LRFN5: variants seen among roughly 807,000 people sequenced by gnomAD.
The protein encoded by LRFN5 is leucine-rich repeat and fibronectin type-III domain-containing protein 5.
Under a neutral mutation model 45.6 loss-of-function variants are expected in LRFN5, and 24 were observed. The observed-to-expected ratio is 0.53, with a 90% CI of 0.38 to 0.74. The LOEUF (loss-of-function observed/expected upper bound fraction) is 0.74, where lower values mean the gene tolerates loss of function less well. LRFN5 is among the 30% of genes least tolerant of loss of function. The probability of loss-of-function intolerance (pLI) is 0.00; values close to 1 mark genes in which losing one functional copy is unlikely to be tolerated. For synonymous variants in LRFN5, 340 were observed against 313.8 expected (o/e 1.08, Z -0.88); for missense variants, 776 against 861.5 (o/e 0.90, Z 1.24).
chr14:41,731,480 C>G (rs987011548), intron 1 of LRFN5: 8 of 152,086 alleles, frequency 5.3e-5, no homozygotes, highest in Non-Finnish European at 8.8e-5. Flanking sequence ...GGTAAAATGA[C>G]TTTCTAATAA....
chr14:41,739,659 A>AG (rs58080522), intron 1 of LRFN5, among the ~76,000 whole-genome samples: 25,060 of 150,848 alleles, frequency 0.17, 2,167 homozygotes, highest in Admixed American at 0.2. Flanking sequence ...AGCAACTAGA[A>AG]AAAAAAAAAC....
At chr14:41,645,014 T>G in intron 1 of LRFN5, among the ~76,000 whole-genome samples, 1 of 152,206 alleles carries the variant, frequency 6.6e-6, no homozygotes, top group East Asian at 1.9e-4. Flanking sequence ...GGTTGAGAGC[T>G]TTTGGTATGG....
intron 1 of LRFN5, among the ~76,000 whole-genome samples, chr14:41,671,622 T>TTTTTTTTTTTTTTTTTTTTTTTTTTTTC (rs1881232968): frequency 7.3e-6 from 1 of 137,068 alleles, no homozygotes; most frequent in African/African-American, 2.8e-5. Flanking sequence ...TTTTCGTTTT[T>TTTTTTTTTTTTTTTTTTTTTTTTTTTTC]TTTTTTTTTT....
chr14:41,661,353 A>C (rs1034736512), intron 1 of LRFN5, among the ~76,000 whole-genome samples: 3 of 152,030 alleles, frequency 2.0e-5, no homozygotes, highest in African/African-American at 7.2e-5. Context: ...GCTTTTCAAA[A>C]TGAGTATTCC....
At chr14:41,756,967 C>A (rs1885418066) in intron 1 of LRFN5, among the ~76,000 whole-genome samples, 1 of 152,156 alleles carries the variant, frequency 6.6e-6, no homozygotes, top group Non-Finnish European at 1.5e-5. Flanking sequence ...ATTAGCTTTC[C>A]TTCTAACTGT....
At chr14:41,893,543 T>A (rs1394983067) in intron 4 of LRFN5, 28 of 985,080 alleles carry the variant, frequency 2.8e-5, no homozygotes, top group Non-Finnish European at 3.4e-5. Context: ...CAGTAAAAGT[T>A]TATTAACTTT....
intron 2 of LRFN5, among the ~76,000 whole-genome samples, chr14:41,867,076 T>TA (rs1472392804): frequency 6.6e-6 from 1 of 152,138 alleles, no homozygotes; most frequent in Admixed American, 6.6e-5. Flanking sequence ...AACCTTTAAT[T>TA]ATATACATTA....
chr14:41,865,189 T>C (rs1889796223), intron 2 of LRFN5, among the ~76,000 whole-genome samples: 1 of 152,054 alleles, frequency 6.6e-6, no homozygotes, highest in Admixed American at 6.6e-5. Context: ...AAGAACACTT[T>C]TGTCATCCCA....
intron 1 of LRFN5, among the ~76,000 whole-genome samples, chr14:41,629,354 A>G (rs1235183640): frequency 6.6e-6 from 1 of 152,166 alleles, no homozygotes. Context: ...TGTGGGTTAC[A>G]TGTCCATGTA....
At chr14:41,812,435 A>G (rs958915618) in intron 2 of LRFN5, among the ~76,000 whole-genome samples, 1 of 151,906 alleles carries the variant, frequency 6.6e-6, no homozygotes, top group African/African-American at 2.4e-5. Flanking sequence ...GTTTTAAGAC[A>G]TTCATTTTTA....
chr14:41,731,640 A>C (rs1200584400), intron 1 of LRFN5: 2 of 152,152 alleles, frequency 1.3e-5, no homozygotes, highest in African/African-American at 4.8e-5. Context: ...TATAGCCTGC[A>C]CTATGGAAAT....
At chr14:41,898,820 T>C in intron 4 of LRFN5, 97 bp from the exon 5 acceptor site, 1 of 1,101,028 alleles carries the variant, frequency 9.1e-7, no homozygotes, top group Non-Finnish European at 1.3e-6. Context: ...TGTTAATTCT[T>C]GATATGAAGT....
intron 1 of LRFN5, among the ~76,000 whole-genome samples, chr14:41,627,465 A>G (rs1458092573): frequency 6.6e-6 from 1 of 152,102 alleles, no homozygotes; most frequent in Non-Finnish European, 1.5e-5. Flanking sequence ...TCCTCTAGGT[A>G]TATTTTCCTT....
rs182802197 is a variant in LRFN5, at chr14:41,684,772, C to T, written c.-197+76210C>T. Among the ~76,000 whole-genome samples the T allele has an allele frequency of 3.3e-5, 5 of 152,226 alleles. No homozygotes were observed. The East Asian group carries it at 5.8e-4, about 18-fold the overall frequency. On this transcript the variant is annotated intron_variant, in intron 1 of 5. Transcript: ENST00000298119. ...TATTTTGAGTAATACTCCACAAGCG[C>T]AGGCAACCAAAGGAAAAATTGTCAA...
intron 1 of LRFN5, among the ~76,000 whole-genome samples, chr14:41,675,429 C>G (rs1382479895): frequency 2.0e-5 from 3 of 152,350 alleles, no homozygotes; most frequent in African/African-American, 7.2e-5. Context: ...AGCGAAACCC[C>G]GTCTCCACCA....
intron 1 of LRFN5, chr14:41,699,408 T>C (rs999027621): frequency 1.3e-5 from 2 of 152,014 alleles, no homozygotes; most frequent in African/African-American, 4.8e-5. Context: ...ACTTATAAAA[T>C]TCAAATGAAA....
At chr14:41,784,926 GC>G (rs1886665171) in intron 2 of LRFN5, among the ~76,000 whole-genome samples, 1 of 152,076 alleles carries the variant, frequency 6.6e-6, no homozygotes, top group Non-Finnish European at 1.5e-5. Flanking sequence ...ACCTTGCCTG[GC>G]CCTGTAGCCT....
rs1214225965 is a variant in LRFN5, at chr14:41,894,171, G to C, written c.2098+2209G>C. On this transcript the variant is annotated intron_variant, in intron 4 of 5. Transcript: ENST00000298119. ...TCAAAGACTTTCTGGGATTATGAAGGTTGTGATCAAAGATAAGGATGCTCT... is the reference window on the plus strand; with the variant it reads ...TCAAAGACTTTCTGGGATTATGAAGCTTGTGATCAAAGATAAGGATGCTCT... The C allele has an allele frequency of 2.7e-5, 27 of 985,070 alleles. No individual in the cohort carries two copies. The South Asian group carries it at 1.1e-3, about 39-fold the overall frequency. 61.0% of individuals were successfully genotyped at this position (985,070 alleles called of 1,614,324 possible).
At chr14:41,621,136 GAA>G (rs1467658901) in intron 1 of LRFN5, among the ~76,000 whole-genome samples, 6 of 151,994 alleles carry the variant, frequency 3.9e-5, no homozygotes, top group African/African-American at 1.2e-4. Flanking sequence ...ACACGAAAAA[GAA>G]AAGAGTCCTA....
Sources: gnomAD v4.1 joint callset for allele counts (sites outside exome capture counted in the v4.1 genomes callset) on GRCh38, gnomAD v4.1.1 for gene constraint, MANE v1.5 for transcripts, NCBI Gene and HGNC (gene_info 2026-07-23, HGNC 2026-07-21) for gene names.